The following STX18 variants were observed in gnomAD, a reference collection of about 807,000 sequenced individuals.
The protein encoded by STX18 is syntaxin-18.
Under a neutral mutation model 50.1 loss-of-function variants are expected in STX18, and 40 were observed. That is an observed-to-expected ratio of 0.80 (90% confidence interval 0.62 to 1.04). The LOEUF (loss-of-function observed/expected upper bound fraction) is 1.04, where lower values mean the gene tolerates loss of function less well. Among genes scored for constraint, STX18 ranks in the 50% least tolerant of loss-of-function variants. The pLI is 0.00. For synonymous variants in STX18, 158 were observed against 151.8 expected (o/e 1.04, Z -0.30); for missense variants, 410 against 415.8 (o/e 0.99, Z 0.12).
chr4:4,434,915 C>A, intron 6 of STX18, 57 bp from the exon 7 acceptor site: 1 of 1,247,094 alleles, frequency 8.0e-7, no homozygotes, highest in Non-Finnish European at 1.1e-6. Flanking sequence ...AATAGGCTGG[C>A]TTAGGATGTA....
chr4:4,471,768 T>C, intron 1 of STX18, 62 bp from the exon 2 acceptor site: 1 of 1,214,334 alleles, frequency 8.2e-7, no homozygotes, highest in East Asian at 2.5e-5. Context: ...TAATGAATTT[T>C]AAATTAATAG....
intron 5 of STX18, among the ~76,000 whole-genome samples, chr4:4,441,028 G>C (rs1168248046): frequency 6.6e-6 from 1 of 152,222 alleles, no homozygotes; most frequent in African/African-American, 2.4e-5. Context: ...CTAGCAAGTT[G>C]GTGCTTGCTG....
intron 1 of STX18, among the ~76,000 whole-genome samples, chr4:4,491,641 T>C (rs1380842275): frequency 6.6e-6 from 1 of 152,126 alleles, no homozygotes; most frequent in Non-Finnish European, 1.5e-5. Flanking sequence ...AGAAAATGGC[T>C]ATGTACTTTT....
chr4:4,446,081 A>G (rs1005098799), intron 5 of STX18, among the ~76,000 whole-genome samples: 6 of 152,170 alleles, frequency 3.9e-5, no homozygotes, highest in Admixed American at 2.6e-4. Context: ...TGAGAAAAAG[A>G]AAGTGTTTTA....
chr4:4,517,788 T>A (rs1206144438), intron 1 of STX18, among the ~76,000 whole-genome samples: 1 of 151,944 alleles, frequency 6.6e-6, no homozygotes, highest in African/African-American at 2.4e-5. Context: ...CTTTATTTTT[T>A]TTTTTTGAGA....
At position 4,457,456 on chromosome 4, in the gene STX18, C is replaced by A; in HGVS notation, c.397G>T (p.Ala133Ser). 6.2e-7 allele frequency: 1 copy of A among 1,613,866 alleles called. No homozygotes were observed. Among genetic ancestry groups the A allele is most frequent in the Non-Finnish European group, 8.5e-7 (1 of 1,179,910 alleles). Reference sequence around the variant, plus strand: ...TAATCTTCAATGAAATCCAAAACAGCGGTCCTGTGCTCCTTCACTTGCTGG... The same window carrying A: ...TAATCTTCAATGAAATCCAAAACAGAGGTCCTGTGCTCCTTCACTTGCTGG... ...HSQQVKEHRT[A>S]VLDFIEDYLK... The change falls in exon 4 of 11, where the codon GCT (alanine) becomes TCT (serine). Residue 133 changes from alanine to serine, a missense_variant. Transcript: ENST00000306200.
chr4:4,538,998 G>T lies in STX18; in HGVS notation c.168+2799C>A, dbSNP rs991355882. On this transcript the variant is annotated intron_variant, in intron 1 of 10. Transcript: ENST00000306200. ...GTATATATAAATTTAGTAAAATTGA[G>T]CATAAAAGTTAAATGTTTAAAAGAA... Among the ~76,000 whole-genome samples the T allele has an allele frequency of 3.9e-5, 6 of 152,302 alleles. No individual in the cohort carries two copies. The East Asian group carries it at 1.2e-3, about 29-fold the overall frequency.
At chr4:4,505,601 G>A (rs1048602922) in intron 1 of STX18, among the ~76,000 whole-genome samples, 20 of 150,094 alleles carry the variant, frequency 1.3e-4, no homozygotes, top group African/African-American at 3.9e-4. Flanking sequence ...CCAACACGGC[G>A]AAACTCCATC....
intron 8 of STX18, 143 bp downstream of exon 8, chr4:4,425,021 C>G: frequency 2.7e-6 from 2 of 729,260 alleles, no homozygotes; most frequent in South Asian, 3.3e-5. Flanking sequence ...CATGCCCACC[C>G]CAGCCCAGTC....
intron 1 of STX18, among the ~76,000 whole-genome samples, chr4:4,506,424 G>A (rs1266794707): frequency 6.6e-6 from 1 of 152,184 alleles, no homozygotes; most frequent in South Asian, 2.1e-4. Flanking sequence ...ACTAAAAGAA[G>A]TCAGTTTCAA....
intron 3 of STX18, among the ~76,000 whole-genome samples, chr4:4,458,111 C>T (rs138304591): frequency 8.9e-4 from 136 of 152,346 alleles, no homozygotes; most frequent in African/African-American, 3.0e-3. Flanking sequence ...TGAGTGCCTA[C>T]TGCGTGCAGG....
At chr4:4,521,286 T>C (rs1340181823) in intron 1 of STX18, among the ~76,000 whole-genome samples, 1 of 152,216 alleles carries the variant, frequency 6.6e-6, no homozygotes, top group Admixed American at 6.5e-5. Context: ...ACAGACGTAT[T>C]ATGAAGCCTT....
intron 7 of STX18, among the ~76,000 whole-genome samples, chr4:4,433,706 A>G (rs1356035311): frequency 1.3e-5 from 2 of 152,076 alleles, no homozygotes; most frequent in Non-Finnish European, 2.9e-5. Flanking sequence ...CTGTCTGAGG[A>G]AAAAATACCT....
At chr4:4,466,497 C>T (rs1241255521) in intron 2 of STX18, among the ~76,000 whole-genome samples, 1 of 152,160 alleles carries the variant, frequency 6.6e-6, no homozygotes, top group African/African-American at 2.4e-5. Context: ...ATGATAAGGA[C>T]TACACCTGTG....
intron 5 of STX18, among the ~76,000 whole-genome samples, chr4:4,448,272 G>A (rs967179783): frequency 3.9e-5 from 6 of 152,160 alleles, no homozygotes; most frequent in African/African-American, 1.4e-4. Context: ...TTTACAATGG[G>A]ATTTGGAGCC....
chr4:4,499,537 A>T, intron 1 of STX18: 1 of 985,456 alleles, frequency 1.0e-6, no homozygotes, highest in Non-Finnish European at 1.2e-6. Context: ...GATCCCAGCA[A>T]GCCTAGCACT....
At chr4:4,504,464 A>G (rs911027436) in intron 1 of STX18, among the ~76,000 whole-genome samples, 5 of 152,208 alleles carry the variant, frequency 3.3e-5, no homozygotes, top group East Asian at 3.8e-4. Flanking sequence ...TACACAGACA[A>G]TAAAGCTCTG....
At chr4:4,466,769 C>G (rs1727639554) in intron 2 of STX18, among the ~76,000 whole-genome samples, 1 of 152,154 alleles carries the variant, frequency 6.6e-6, no homozygotes, top group Non-Finnish European at 1.5e-5. Flanking sequence ...CCAGATAGAG[C>G]TGATTTATCA....
Position 4,419,818 on chromosome 4 carries a change from T to G in STX18, c.*216A>C, listed in dbSNP as rs1724831839. ...GGCTACGCAGGCTGCCTCCCATTGG[T>G]GTGCACTGTTTCCTTTTTCAGCTGC... On this transcript the variant is annotated 3_prime_UTR_variant, in exon 11 of 11. Coordinates refer to ENST00000306200, the MANE Select transcript of STX18 (RefSeq NM_016930.4). 1 of 519,560 alleles carries G rather than the reference T, an allele frequency of 1.9e-6. No individual in the cohort carries two copies. The highest frequency in any genetic ancestry group is 3.5e-6 in the Non-Finnish European group (1 of 287,596). 32.2% of individuals were successfully genotyped at this position (519,560 alleles called of 1,614,324 possible).
Sources: allele counts gnomAD v4.1 joint callset (sites outside exome capture counted in the v4.1 genomes callset), GRCh38; gene constraint gnomAD v4.1.1; transcripts MANE v1.5; gene names NCBI Gene and HGNC (gene_info 2026-07-23, HGNC 2026-07-21).